CCSER1: variants seen among roughly 807,000 people sequenced by gnomAD.
CCSER1 encodes the protein coiled-coil serine rich protein 1.
CCSER1 carries 41 observed loss-of-function variants against 82.0 expected under a neutral mutation model. The ratio of observed to expected loss-of-function variants is 0.50; its 90% CI spans 0.39 to 0.65. CCSER1 has a LOEUF of 0.65. CCSER1 is among the 30% of genes least tolerant of loss of function. The pLI is 0.00. For synonymous variants in CCSER1, 414 were observed against 383.9 expected, an observed-to-expected ratio of 1.08 and a Z score of -0.92; for missense variants, 1,119 against 1,064.2, an observed-to-expected ratio of 1.05 and a Z score of -0.72.
At chr4:90,667,203 C>T (rs116405693) in intron 6 of CCSER1, among the ~76,000 whole-genome samples, 4,543 of 152,188 alleles carry the variant, frequency 0.03, 90 homozygotes, top group Non-Finnish European at 0.046. Context: ...CCAATCCTGT[C>T]CTTCTGACTT....
intron 10 of CCSER1, among the ~76,000 whole-genome samples, chr4:91,338,773 A>G (rs1253299355): frequency 1.3e-5 from 2 of 152,180 alleles, no homozygotes; most frequent in Non-Finnish European, 2.9e-5. Flanking sequence ...TTAAAATTTA[A>G]TAGCATATTT....
At chr4:91,401,425 T>C (rs1752316531) in intron 10 of CCSER1, among the ~76,000 whole-genome samples, 1 of 150,464 alleles carries the variant, frequency 6.6e-6, no homozygotes, top group Non-Finnish European at 1.5e-5. Flanking sequence ...ATACTTTAAG[T>C]TCTAGGGTAC....
intron 4 of CCSER1, among the ~76,000 whole-genome samples, chr4:90,428,527 G>A (rs10001821): frequency 0.018 from 2,691 of 151,924 alleles, 34 homozygotes; most frequent in African/African-American, 0.038. Context: ...TTATAATAAA[G>A]TAGGATAGAG....
At position 90,520,580 on chromosome 4, in the gene CCSER1, CT is replaced by C. The variant is rs560704497; in HGVS notation, c.1724+52232del. ...GGTGGAATTCACAATGTTTAGTAGACTTTTTTCTTACATATGAATGAATTAA... is the reference window on the plus strand; with the variant it reads ...GGTGGAATTCACAATGTTTAGTAGACTTTTTCTTACATATGAATGAATTAA... On this transcript the variant is annotated intron_variant, in intron 5 of 10. Coordinates refer to ENST00000509176, the MANE Select transcript of CCSER1 (RefSeq NM_001145065.2). Among the ~76,000 whole-genome samples the C allele has an allele frequency of 6.6e-5, 10 of 152,242 alleles. No homozygotes were observed. The South Asian group carries it at 2.1e-3, about 32-fold the overall frequency.
At chr4:91,369,660 GC>G (rs1749879724) in intron 10 of CCSER1, among the ~76,000 whole-genome samples, 1 of 121,316 alleles carries the variant, frequency 8.2e-6, no homozygotes, top group African/African-American at 3.1e-5. Flanking sequence ...TTAATCTGTA[GC>G]TTTTTTTTTT....
chr4:90,672,872 A>G (rs1420073772), intron 6 of CCSER1, among the ~76,000 whole-genome samples: 1 of 152,048 alleles, frequency 6.6e-6, no homozygotes, highest in Non-Finnish European at 1.5e-5. Context: ...ATGACCAATC[A>G]GTGGAGGAAT....
intron 10 of CCSER1, among the ~76,000 whole-genome samples, chr4:91,131,098 CAG>C (rs1157529851): frequency 6.6e-6 from 1 of 151,684 alleles, no homozygotes; most frequent in Non-Finnish European, 1.5e-5. Context: ...TTAGAGAAAA[CAG>C]TGTTCCAGAG....
At chr4:90,474,904 T>G (rs866294026) in intron 5 of CCSER1, among the ~76,000 whole-genome samples, 3 of 152,316 alleles carry the variant, frequency 2.0e-5, no homozygotes, top group African/African-American at 7.2e-5. Context: ...ATTATCTTTA[T>G]TACTAATTGT....
At chr4:90,316,122 A>G (rs1048106121) in intron 3 of CCSER1, among the ~76,000 whole-genome samples, 2 of 152,236 alleles carry the variant, frequency 1.3e-5, no homozygotes, top group Admixed American at 1.3e-4. Context: ...GACATGTATT[A>G]TCACATTCAG....
At chr4:90,232,539 G>T (rs1209540879) in intron 1 of CCSER1, among the ~76,000 whole-genome samples, 190 of 149,484 alleles carry the variant, frequency 1.3e-3, no homozygotes, top group Non-Finnish European at 2.3e-3. Flanking sequence ...AACCTAGGCA[G>T]TACCATTCAG....
chr4:90,309,185 G>T lies in CCSER1; in HGVS notation c.901G>T (p.Ala301Ser). The T allele has an allele frequency of 6.2e-7, 1 of 1,613,906 alleles. No homozygotes were observed. Residue 301 changes from alanine (A) to serine (S), a missense_variant, in exon 2 of 11, where the codon GCT becomes TCT. Physicochemically the swap from Ala to Ser is moderately conservative, Grantham distance 99. Transcript: ENST00000509176. The part of the protein sequence containing the change: ...DSTSQMSLNS[A>S]AVTKTTTELT... ...TACCTCTCAGATGTCCCTCAATTCTGCTGCTGTTACAAAGACAACAACAGA... is the reference window on the plus strand; with the variant it reads ...TACCTCTCAGATGTCCCTCAATTCTTCTGCTGTTACAAAGACAACAACAGA...
intron 1 of CCSER1, among the ~76,000 whole-genome samples, chr4:90,217,222 A>C (rs2153418198): frequency 6.6e-6 from 1 of 152,086 alleles, no homozygotes. Flanking sequence ...TTTGAGATGG[A>C]GTCTTGCTCC....
chr4:90,217,979 G>A (rs917828785), intron 1 of CCSER1, among the ~76,000 whole-genome samples: 1 of 151,596 alleles, frequency 6.6e-6, no homozygotes, highest in African/African-American at 2.4e-5. Context: ...AATTTTTATT[G>A]TATGTAGGTG....
At chr4:91,385,336 T>A (rs1323936199) in intron 10 of CCSER1, among the ~76,000 whole-genome samples, 1 of 151,962 alleles carries the variant, frequency 6.6e-6, no homozygotes, top group East Asian at 1.9e-4. Context: ...GTAGTATGTT[T>A]CCTTTTGAGT....
intron 10 of CCSER1, among the ~76,000 whole-genome samples, chr4:91,152,477 GC>G (rs1374744271): frequency 6.6e-6 from 1 of 152,000 alleles, no homozygotes; most frequent in Non-Finnish European, 1.5e-5. Flanking sequence ...CTTTCTCTTT[GC>G]CAGTCTGTAT....
chr4:90,597,140 T>A (rs898837274), intron 5 of CCSER1, among the ~76,000 whole-genome samples: 4 of 152,026 alleles, frequency 2.6e-5, no homozygotes, highest in Non-Finnish European at 4.4e-5. Context: ...GCTTATCAAG[T>A]AAGCCCATGG....
chr4:90,544,186 G>A lies in CCSER1; in HGVS notation c.1724+75832G>A, dbSNP rs147356497. ...AGAAGCTATTGGAATCCTTTGTCGTGGAGAAAAACGTTATCTTTATTACCC... is the reference window on the plus strand; with the variant it reads ...AGAAGCTATTGGAATCCTTTGTCGTAGAGAAAAACGTTATCTTTATTACCC... On this transcript the variant is annotated intron_variant, in intron 5 of 10. Transcript: ENST00000509176. 8.7e-3 allele frequency among the ~76,000 whole-genome samples: 1,321 copies of A among 152,146 alleles called. 9 individuals carry two copies. Among genetic ancestry groups the A allele is most frequent in the Admixed American group, 0.014 (219 of 15,280 alleles).
chr4:91,118,045 T>C (rs2158193), intron 10 of CCSER1, among the ~76,000 whole-genome samples: 139,706 of 152,108 alleles, frequency 0.92, 64,284 homozygotes, highest in East Asian at 0.96. Flanking sequence ...AACAGCAAAA[T>C]GCTAACATTA....
chr4:90,350,897 A>G (rs1202952970), intron 3 of CCSER1, among the ~76,000 whole-genome samples: 1 of 152,194 alleles, frequency 6.6e-6, no homozygotes, highest in Non-Finnish European at 1.5e-5. Flanking sequence ...ATGGTTTTTA[A>G]AAAGAATTAT....
Sources: allele counts gnomAD v4.1 joint callset (sites outside exome capture counted in the v4.1 genomes callset), GRCh38; gene constraint gnomAD v4.1.1; transcripts MANE v1.5; gene names NCBI Gene and HGNC (gene_info 2026-07-23, HGNC 2026-07-21).